Variants in KRIT1 observed in about 807,000 individuals in gnomAD.
The protein encoded by KRIT1 is krev interaction trapped protein 1.
In KRIT1, 45 loss-of-function variants were observed where a neutral mutation model predicts 95.8. That is an observed-to-expected ratio of 0.47 (90% confidence interval 0.37 to 0.60). The LOEUF is 0.60. Among genes scored for constraint, KRIT1 ranks in the 20% least tolerant of loss-of-function variants. The pLI, the probability that KRIT1 is intolerant of heterozygous loss-of-function variation, is 0.00. For missense variants in KRIT1, 788 were observed against 877.5 expected, an observed-to-expected ratio of 0.90 and a Z score of 1.29; for synonymous variants, 282 against 278.8, an observed-to-expected ratio of 1.01 and a Z score of -0.11.
intron 7 of KRIT1, 46 bp from the exon 8 acceptor site, chr7:92,235,692 G>T (rs748594156): frequency 9.8e-5 from 156 of 1,593,446 alleles, no homozygotes; most frequent in Non-Finnish European, 1.2e-4. Flanking sequence ...CGAAAGTGAA[G>T]ATGAAAAAGA....
intron 14 of KRIT1, 138 bp downstream of exon 14, chr7:92,221,764 C>T: frequency 1.4e-6 from 1 of 726,562 alleles, no homozygotes. Context: ...AGTAGATCAA[C>T]TGAAACTCCG....
At chr7:92,241,212 T>C (rs768468515) in intron 4 of KRIT1, 60 bp from the exon 5 acceptor site, 25 of 1,221,076 alleles carry the variant, frequency 2.0e-5, no homozygotes, top group Non-Finnish European at 2.9e-5. Flanking sequence ...CCTAGAATAC[T>C]ACAATAAGCT....
intron 14 of KRIT1, among the ~76,000 whole-genome samples, chr7:92,220,688 CTTTTTTTTTTTTTT>C (rs960417752): frequency 7.1e-5 from 7 of 98,958 alleles, no homozygotes; most frequent in Non-Finnish European, 1.1e-4. Flanking sequence ...ATTCATCCTT[CTTTTTTTTTTTTTT>C]TTTTTTTTTT....
At chr7:92,234,348 G>A (rs1584970964) in intron 10 of KRIT1, 101 bp downstream of exon 10, 1 of 960,212 alleles carries the variant, frequency 1.0e-6, no homozygotes, top group African/African-American at 1.6e-5. Context: ...AACAGGTAGA[G>A]AAAAAGTATT....
intron 10 of KRIT1, among the ~76,000 whole-genome samples, chr7:92,228,913 A>C (rs898875025): frequency 6.6e-6 from 1 of 152,104 alleles, no homozygotes; most frequent in Non-Finnish European, 1.5e-5. Context: ...CAAAGACAAG[A>C]TCTTGTTCTT....
intron 2 of KRIT1, among the ~76,000 whole-genome samples, chr7:92,244,530 T>C (rs1421374816): frequency 2.6e-5 from 4 of 152,236 alleles, no homozygotes; most frequent in African/African-American, 9.6e-5. Flanking sequence ...TTTCAAGAAC[T>C]ATTCGTACTT....
rs1798767595 is a variant in KRIT1, at chr7:92,237,900, A to G, written c.263-141T>C. ...ATACTAAGTCAATTTTATTATATGTACTAATAAAAACTGATAAATGCAAAA... is the reference window on the plus strand; with the variant it reads ...ATACTAAGTCAATTTTATTATATGTGCTAATAAAAACTGATAAATGCAAAA... On this transcript the variant is annotated intron_variant, in intron 5 of 18. Transcript: ENST00000394505. The G allele has an allele frequency of 6.6e-6, 4 of 603,710 alleles. No homozygotes were observed. In the Admixed American group the frequency reaches 1.1e-4, roughly 17 times the overall value. The allele number at this position is 603,710 out of a possible 1,614,324, so 37.4% of individuals were successfully genotyped here.
At chr7:92,234,951 C>T (rs759326520) in intron 8 of KRIT1, 28 bp from the exon 9 acceptor site, 1 of 992,708 alleles carries the variant, frequency 1.0e-6, no homozygotes, top group South Asian at 1.3e-5. Flanking sequence ...TAACAAAAAC[C>T]CATTAAGAGC....
At chr7:92,231,245 G>T (rs1173124660) in intron 10 of KRIT1, among the ~76,000 whole-genome samples, 2 of 152,116 alleles carry the variant, frequency 1.3e-5, no homozygotes, top group Non-Finnish European at 2.9e-5. Context: ...GATGATTCTA[G>T]AAAGTAAAGA....
rs564427510 is a variant in KRIT1 at position 92,212,272 on chromosome 7, TATA to T, written c.2025+920_2025+922del. Among the ~76,000 whole-genome samples the T allele has an allele frequency of 2.1e-4, 32 of 152,144 alleles. No homozygotes were observed. The East Asian group carries it at 6.0e-3, about 28-fold the overall frequency. On this transcript the variant is annotated intron_variant, in intron 17 of 18. Coordinates refer to ENST00000394505, the MANE Select transcript of KRIT1 (RefSeq NM_194454.3). ...TTCAAAGTGAAGCCCTTGTGTCACATATAATATTTTTCTTTTTTTCATCTTTTT... is the reference window on the plus strand; with the variant it reads ...TTCAAAGTGAAGCCCTTGTGTCACATATATTTTTCTTTTTTTCATCTTTTT...
In KRIT1 at chr7:92,200,707, T is replaced by C. The variant is rs1789946894; in HGVS notation, c.*29A>G. The C allele has an allele frequency of 7.0e-7, 1 of 1,419,276 alleles. No homozygotes were observed. The highest frequency in any genetic ancestry group is 1.0e-6 in the Non-Finnish European group (1 of 1,002,134). 87.9% of individuals were successfully genotyped at this position (1,419,276 alleles called of 1,614,324 possible). A position where few individuals can be genotyped will look rare whatever the true frequency, so the allele number is the denominator to read the frequency against. ...AAAAAAAACTCTGCATTACAAAATG[T>C]GGTGGCTTGAGTAACAGTTACTTCT... On this transcript the variant is annotated 3_prime_UTR_variant, in exon 19 of 19. Coordinates refer to ENST00000394505, the MANE Select transcript of KRIT1 (RefSeq NM_194454.3).
intron 3 of KRIT1, among the ~76,000 whole-genome samples, chr7:92,243,438 AG>A (rs752936888): frequency 1.4e-4 from 21 of 152,158 alleles, no homozygotes; most frequent in Non-Finnish European, 2.2e-4. Flanking sequence ...AACTTTCTTC[AG>A]TTTTTTAAAA....
At chr7:92,201,051 T>C (rs754598100) in intron 18 of KRIT1, among the ~76,000 whole-genome samples, 3 of 152,144 alleles carry the variant, frequency 2.0e-5, no homozygotes, top group African/African-American at 7.2e-5. Context: ...AATAACTTGA[T>C]AGATGAGACA....
intron 5 of KRIT1, among the ~76,000 whole-genome samples, chr7:92,240,088 A>G (rs1457984045): frequency 6.6e-6 from 1 of 152,110 alleles, no homozygotes; most frequent in Non-Finnish European, 1.5e-5. Flanking sequence ...AGGCTCTATT[A>G]GGGGAAGAAA....
chr7:92,215,889 T>C (rs1793865571), intron 14 of KRIT1, among the ~76,000 whole-genome samples: 1 of 152,080 alleles, frequency 6.6e-6, no homozygotes, highest in Non-Finnish European at 1.5e-5. Flanking sequence ...AATAAATACT[T>C]AAAGTATTTC....
At chr7:92,240,880 G>C in intron 5 of KRIT1, 113 bp downstream of exon 5, 1 of 886,414 alleles carries the variant, frequency 1.1e-6, no homozygotes, top group Non-Finnish European at 1.8e-6. Flanking sequence ...TTGCAAGTTT[G>C]TTAAATGTAA....
Position 92,223,158 on chromosome 7 carries a change from G to A in KRIT1, c.1255-180C>T, listed in dbSNP as rs544534517. Among the ~76,000 whole-genome samples, 281 of 151,850 alleles carry A rather than the reference G, an allele frequency of 1.9e-3. 2 individuals are homozygous for A. Among genetic ancestry groups the A allele is most frequent in the African/African-American group, 6.3e-3 (260 of 41,452 alleles). ...TAAAAACATTTTACTGGCCGGGCGC[G>A]GTGGCTCACGCCTATAATCCCAACA... On this transcript the variant is annotated intron_variant, in intron 12 of 18. Coordinates refer to ENST00000394505, the MANE Select transcript of KRIT1 (RefSeq NM_194454.3).
At position 92,237,596 on chromosome 7, in the gene KRIT1, T is replaced by A. The variant is rs981280962; in HGVS notation, c.355+71A>T. The A allele has an allele frequency of 4.9e-6, 4 of 815,378 alleles. No homozygotes were observed. In the African/African-American group the frequency reaches 6.8e-5, roughly 14 times the overall value. The allele number at this position is 815,378 out of a possible 1,614,324, so 50.5% of individuals were successfully genotyped here. A position where few individuals can be genotyped will look rare whatever the true frequency, so the allele number is the denominator to read the frequency against. On this transcript the variant is annotated intron_variant, in intron 6 of 18. Transcript: ENST00000394505. ...AGTAGTAACTATGAATGCAAATTCT[T>A]AACTTCCTCAATAGACCTTTACTTA...
chr7:92,210,312 A>C (rs1792519798), intron 17 of KRIT1, among the ~76,000 whole-genome samples: 1 of 152,226 alleles, frequency 6.6e-6, no homozygotes, highest in Non-Finnish European at 1.5e-5. Flanking sequence ...AACCTACAGT[A>C]ACCAAACAGC....
Sources: gnomAD v4.1 joint callset for allele counts (sites outside exome capture counted in the v4.1 genomes callset) on GRCh38, gnomAD v4.1.1 for gene constraint, MANE v1.5 for transcripts, NCBI Gene and HGNC (gene_info 2026-07-23, HGNC 2026-07-21) for gene names.